Variants in PCDHA9 observed in about 807,000 individuals in gnomAD.
The protein encoded by PCDHA9 is protocadherin alpha 9, also known as protocadherin alpha-9.
PCDHA9 carries 62 observed loss-of-function variants against 62.0 expected under a neutral mutation model. The ratio of observed to expected loss-of-function variants is 1.00; its 90% CI spans 0.81 to 1.23. PCDHA9 has a LOEUF of 1.23. Ranked by LOEUF, PCDHA9 falls within the 50% of genes most tolerant of loss-of-function variation. The pLI is 0.00. For missense variants in PCDHA9, 1,205 were observed against 1,249.8 expected (o/e 0.96, Z 0.54); for synonymous variants, 557 against 567.6 (o/e 0.98, Z 0.27).
chr5:140,849,816 G>A lies in PCDHA9; in HGVS notation c.1321G>A (p.Val441Met), dbSNP rs2150451582. 2.5e-6 allele frequency: 4 copies of A among 1,598,578 alleles called. No homozygotes were observed. Among genetic ancestry groups the A allele is most frequent in the East Asian group, 2.2e-5 (1 of 44,834 alleles). Residue 441 changes from valine to methionine, a missense_variant, in exon 1 of 4, where the codon GTG becomes ATG. Coordinates refer to ENST00000532602, the MANE Select transcript of PCDHA9 (RefSeq NM_031857.2). ...GSPSLWATAR[V>M]SVEVADVNDN... ...GCCTTCACTGTGGGCCACGGCCAGG[G>A]TGTCTGTGGAGGTGGCCGACGTGAA... is the stretch of plus-strand genomic sequence containing the variant.
At chr5:140,856,282 G>T (rs1554148485) in intron 1 of PCDHA9, 1 of 1,598,456 alleles carries the variant, frequency 6.3e-7, no homozygotes, top group African/African-American at 1.3e-5. Context: ...AGGTAAATCT[G>T]CAGAATGGCA....
intron 1 of PCDHA9, chr5:140,863,200 GC>G: frequency 1.1e-6 from 1 of 918,418 alleles, no homozygotes. Context: ...GGCGTCGCTG[GC>G]GGAGAGCAGC....
intron 1 of PCDHA9, among the ~76,000 whole-genome samples, chr5:140,873,728 T>C (rs1208346643): frequency 6.6e-6 from 1 of 152,190 alleles, no homozygotes; most frequent in African/African-American, 2.4e-5. Flanking sequence ...TGGCGCAATC[T>C]CAGCTCACTG....
At chr5:140,925,526 CGAG>C (rs2082539432) in intron 1 of PCDHA9, among the ~76,000 whole-genome samples, 1 of 151,910 alleles carries the variant, frequency 6.6e-6, no homozygotes, top group South Asian at 2.1e-4. Flanking sequence ...AAATTAAAAG[CGAG>C]GAGAAATACC....
At chr5:140,999,051 C>T (rs972072595) in intron 3 of PCDHA9, among the ~76,000 whole-genome samples, 6 of 152,196 alleles carry the variant, frequency 3.9e-5, no homozygotes, top group African/African-American at 9.7e-5. Flanking sequence ...TGCTTTCCAC[C>T]ATGCCTAAGT....
At chr5:140,882,080 C>A in intron 1 of PCDHA9, 1 of 970,966 alleles carries the variant, frequency 1.0e-6, no homozygotes, top group Non-Finnish European at 1.5e-6. Flanking sequence ...CATGGTGTCG[C>A]TCTTCACTGA....
chr5:140,958,159 A>T (rs782390357), intron 1 of PCDHA9, among the ~76,000 whole-genome samples: 35 of 152,134 alleles, frequency 2.3e-4, no homozygotes, highest in Non-Finnish European at 4.3e-4. Flanking sequence ...CATAGTCAAA[A>T]GCCTGGAGTG....
intron 3 of PCDHA9, among the ~76,000 whole-genome samples, chr5:140,986,690 AAC>A (rs2097209708): frequency 6.6e-6 from 1 of 152,172 alleles, no homozygotes; most frequent in South Asian, 2.1e-4. Context: ...AAAGTTTCAA[AAC>A]ACACAGCACT....
intron 1 of PCDHA9, chr5:140,877,080 C>A (rs113692468): frequency 9.9e-6 from 16 of 1,612,944 alleles, no homozygotes; most frequent in Non-Finnish European, 1.4e-5. Flanking sequence ...TCCAGGTGAG[C>A]GCGCGCGACG....
chr5:140,875,929 C>T (rs1554168093), intron 1 of PCDHA9: 4 of 1,614,154 alleles, frequency 2.5e-6, no homozygotes, highest in East Asian at 2.2e-5. Context: ...CTCTCATTTT[C>T]CTCTAGAGGG....
At chr5:140,918,639 TGA>T (rs1554198713) in intron 1 of PCDHA9, among the ~76,000 whole-genome samples, 1 of 152,224 alleles carries the variant, frequency 6.6e-6, no homozygotes, top group East Asian at 1.9e-4. Context: ...ATTCATAAAT[TGA>T]AACCTAATTC....
chr5:141,003,520 C>G (rs1171208921), intron 3 of PCDHA9, among the ~76,000 whole-genome samples: 2 of 152,244 alleles, frequency 1.3e-5, no homozygotes, highest in Middle Eastern at 3.4e-3. Flanking sequence ...ACCATGTTCC[C>G]TAGGCTGGTC....
intron 1 of PCDHA9, chr5:140,968,630 TA>T: frequency 6.2e-7 from 1 of 1,614,192 alleles, no homozygotes; most frequent in Non-Finnish European, 8.5e-7. Flanking sequence ...TTGGCTTTTT[TA>T]CCATCTAGCC....
chr5:140,883,339 C>G (rs142984869), intron 1 of PCDHA9: 2 of 1,614,172 alleles, frequency 1.2e-6, no homozygotes, highest in South Asian at 2.2e-5. Flanking sequence ...CTTTGTCACT[C>G]CCCATCAGAG....
chr5:140,988,411 A>G (rs2097296392), intron 3 of PCDHA9, among the ~76,000 whole-genome samples: 1 of 152,144 alleles, frequency 6.6e-6, no homozygotes, highest in South Asian at 2.1e-4. Context: ...TTCGCAGCTT[A>G]TGTAAAGAAT....
In PCDHA9 at chr5:140,856,743, T is replaced by C. The variant is rs17844341; in HGVS notation, c.2394+5854T>C. On this transcript the variant is annotated intron_variant, in intron 1 of 3. Transcript: ENST00000532602. Reference sequence around the variant, plus strand: ...TCTGTTTCTCTGCTGATCCTGGTGTTAGATGCCAATGATAACGCCCCTATC... The same window carrying C: ...TCTGTTTCTCTGCTGATCCTGGTGTCAGATGCCAATGATAACGCCCCTATC... 190 of 1,596,776 alleles carry C rather than the reference T, an allele frequency of 1.2e-4. 4 individuals are homozygous for C. In the East Asian group the frequency reaches 4.1e-3, roughly 35 times the overall value.
chr5:140,904,828 A>G (rs1196362639), intron 1 of PCDHA9, among the ~76,000 whole-genome samples: 7 of 151,794 alleles, frequency 4.6e-5, no homozygotes, highest in African/African-American at 1.7e-4. Flanking sequence ...GCATTTTTTT[A>G]TATGTTTCAT....
intron 1 of PCDHA9, chr5:140,966,634 G>A: frequency 9.8e-7 from 1 of 1,022,982 alleles, no homozygotes; most frequent in Non-Finnish European, 1.3e-6. Flanking sequence ...GGCCCCAGGC[G>A]CTTTCTAGAG....
chr5:140,870,748 A>G lies in PCDHA9; in HGVS notation c.2394+19859A>G, dbSNP rs782462608. ...CGTGCCGCCTCTGAGCAGCAACGTG[A>G]CGCTGCAGGTGTTCGTGCTGGACGA... On this transcript the variant is annotated intron_variant, in intron 1 of 3. Transcript: ENST00000532602. The G allele has an allele frequency of 1.9e-6, 3 of 1,613,510 alleles. No individual in the cohort carries two copies. In the South Asian group the frequency reaches 3.3e-5, roughly 18 times the overall value.
Sources: allele counts gnomAD v4.1 joint callset (sites outside exome capture counted in the v4.1 genomes callset), GRCh38; gene constraint gnomAD v4.1.1; transcripts MANE v1.5; gene names NCBI Gene and HGNC (gene_info 2026-07-23, HGNC 2026-07-21).